The following SIAH3 variants were observed in gnomAD, a reference collection of about 807,000 sequenced individuals.
The protein encoded by SIAH3 is siah E3 ubiquitin protein ligase family member 3, also known as seven in absentia homolog 3.
SIAH3 carries 9 observed loss-of-function variants against 12.6 expected under a neutral mutation model. The ratio of observed to expected loss-of-function variants is 0.72; its 90% CI spans 0.43 to 1.25. The LOEUF is 1.25. Ranked by LOEUF, SIAH3 falls within the 50% of genes most tolerant of loss-of-function variation. The probability of loss-of-function intolerance (pLI) is 0.00; values close to 1 mark genes in which losing one functional copy is unlikely to be tolerated. For missense variants in SIAH3, 390 were observed against 365.4 expected, an observed-to-expected ratio of 1.07 and a Z score of -0.55; for synonymous variants, 154 against 151.1, an observed-to-expected ratio of 1.02 and a Z score of -0.14.
At chr13:45,828,242 G>A (rs1222867969) in intron 1 of SIAH3, among the ~76,000 whole-genome samples, 1 of 152,168 alleles carries the variant, frequency 6.6e-6, no homozygotes, top group Admixed American at 6.5e-5. Flanking sequence ...TTCTCCTCTT[G>A]AGTATTTGAC....
chr13:45,815,450 C>T (rs1336969136), intron 1 of SIAH3, among the ~76,000 whole-genome samples: 1 of 152,172 alleles, frequency 6.6e-6, no homozygotes, highest in Non-Finnish European at 1.5e-5. Context: ...TCCAGTCTGC[C>T]TGCCTGCCTG....
chr13:45,801,304 T>C (rs1950581712), intron 1 of SIAH3, among the ~76,000 whole-genome samples: 1 of 152,140 alleles, frequency 6.6e-6, no homozygotes, highest in Non-Finnish European at 1.5e-5. Flanking sequence ...AGAGGAACTC[T>C]GGATAGTGAA....
chr13:45,850,919 C>CCACACA (rs34118981), intron 1 of SIAH3, among the ~76,000 whole-genome samples: 1,860 of 128,296 alleles, frequency 0.014, 36 homozygotes, highest in East Asian at 0.069. Flanking sequence ...CCTCCCGACA[C>CCACACA]CACACACACA....
At chr13:45,820,652 G>A (rs1029834341) in intron 1 of SIAH3, among the ~76,000 whole-genome samples, 5 of 152,014 alleles carry the variant, frequency 3.3e-5, no homozygotes, top group Non-Finnish European at 5.9e-5. Flanking sequence ...CCACCACCGC[G>A]GCCCTCCTTT....
intron 1 of SIAH3, among the ~76,000 whole-genome samples, chr13:45,800,144 T>TGCTAGAATGTTA (rs374088175): frequency 0.013 from 1,908 of 152,346 alleles, 30 homozygotes; most frequent in African/African-American, 0.044. Context: ...ATCCTGATAG[T>TGCTAGAATGTTA]ACCACTGTTA....
intron 1 of SIAH3, among the ~76,000 whole-genome samples, chr13:45,800,445 A>T (rs1203838240): frequency 6.6e-6 from 1 of 152,210 alleles, no homozygotes; most frequent in Non-Finnish European, 1.5e-5. Context: ...TTGTGGATGA[A>T]AAGAAAAATA....
intron 1 of SIAH3, among the ~76,000 whole-genome samples, chr13:45,784,742 C>G (rs2137547628): frequency 6.6e-6 from 1 of 152,308 alleles, no homozygotes; most frequent in African/African-American, 2.4e-5. Context: ...CCCAGAGCCT[C>G]ATCACCAGGC....
chr13:45,821,208 A>G (rs1293378728), intron 1 of SIAH3, among the ~76,000 whole-genome samples: 1 of 152,234 alleles, frequency 6.6e-6, no homozygotes, highest in African/African-American at 2.4e-5. Context: ...AGACATAGAC[A>G]CATAGAAAAG....
rs189478634 is a variant in SIAH3, at chr13:45,778,294, C to G, written c.*5089G>C. On this transcript the variant is annotated 3_prime_UTR_variant, in exon 2 of 2. Coordinates refer to ENST00000400405, the MANE Select transcript of SIAH3 (RefSeq NM_198849.3). ...GTAAGAAAGAGGTAGGGAGGGTGAC[C>G]TGTAAGAACAAGTAACAGGAAATTT... 1 of 152,174 alleles carries G rather than the reference C, an allele frequency of 6.6e-6. No homozygotes were observed. The allele number at this position is 152,174 out of a possible 1,614,324, so 9.4% of individuals were successfully genotyped here.
intron 1 of SIAH3, among the ~76,000 whole-genome samples, chr13:45,832,976 G>T (rs1253630087): frequency 6.6e-6 from 1 of 152,138 alleles, no homozygotes; most frequent in African/African-American, 2.4e-5. Flanking sequence ...GTGCCTTCTG[G>T]GTAGTTGAAA....
intron 1 of SIAH3, among the ~76,000 whole-genome samples, chr13:45,787,089 A>C (rs9567575): frequency 0.22 from 34,023 of 151,848 alleles, 4,918 homozygotes; most frequent in East Asian, 0.6. Context: ...ACCCAAGCAG[A>C]AACCTACCAG....
At chr13:45,842,018 T>C (rs1301120219) in intron 1 of SIAH3, among the ~76,000 whole-genome samples, 2 of 152,224 alleles carry the variant, frequency 1.3e-5, no homozygotes, top group African/African-American at 4.8e-5. Context: ...AGTGGGAACC[T>C]TGGGCAAGTC....
chr13:45,808,628 T>C (rs1399267548), intron 1 of SIAH3, among the ~76,000 whole-genome samples: 3 of 152,218 alleles, frequency 2.0e-5, no homozygotes, highest in African/African-American at 4.8e-5. Context: ...ATATTGTATA[T>C]TTTGTTATTA....
Position 45,851,611 on chromosome 13 carries a change from A to T in SIAH3, c.19T>A (p.Cys7Ser). 6.2e-7 allele frequency: 1 copy of T among 1,614,204 alleles called. No homozygotes were observed. Among genetic ancestry groups the T allele is most frequent in the Non-Finnish European group, 8.5e-7 (1 of 1,180,034 alleles). ...ATGAGATCTAATACAGCCCCAAAGC[A>T]CTGGGTAAAGAAAAGCATCACAACT... MLFFTQ[C>S]FGAVLDLIHL... is the part of the protein sequence containing the mutation. The change falls in exon 1 of 2, where the codon TGC (cysteine) becomes AGC (serine). Residue 7 changes from cysteine to serine, a missense_variant. Physicochemically the swap from Cys to Ser is moderately radical, Grantham distance 112. Coordinates refer to ENST00000400405, the MANE Select transcript of SIAH3 (RefSeq NM_198849.3).
At chr13:45,832,969 C>T (rs1950704917) in intron 1 of SIAH3, among the ~76,000 whole-genome samples, 1 of 152,142 alleles carries the variant, frequency 6.6e-6, no homozygotes, top group African/African-American at 2.4e-5. Context: ...GATGCATGTG[C>T]CTTCTGGGTA....
chr13:45,792,397 C>T (rs1401455251), intron 1 of SIAH3, among the ~76,000 whole-genome samples: 6 of 149,432 alleles, frequency 4.0e-5, no homozygotes, highest in African/African-American at 1.2e-4. Context: ...CACTCTTATC[C>T]CCCAGGCTGG....
chr13:45,827,260 A>C (rs1950682009), intron 1 of SIAH3, among the ~76,000 whole-genome samples: 2 of 152,174 alleles, frequency 1.3e-5, no homozygotes, highest in Non-Finnish European at 2.9e-5. Flanking sequence ...TTTGTCTTGA[A>C]TACAGTCAAG....
At position 45,803,282 on chromosome 13, in the gene SIAH3, G is replaced by A. The variant is rs771523825; in HGVS notation, c.136-19225C>T. Among the ~76,000 whole-genome samples the A allele has an allele frequency of 2.0e-4, 30 of 152,208 alleles. 1 individual carries two copies. The highest frequency in any genetic ancestry group is 5.9e-4 in the Admixed American group (9 of 15,298). ...TTTAGTTTTATTCATTCATTCATTC[G>A]TTCATCAAACTTTATCAGCCCTCTT... On this transcript the variant is annotated intron_variant, in intron 1 of 1. Coordinates refer to ENST00000400405, the MANE Select transcript of SIAH3 (RefSeq NM_198849.3).
At chr13:45,850,429 G>C (rs890897832) in intron 1 of SIAH3, among the ~76,000 whole-genome samples, 5 of 152,160 alleles carry the variant, frequency 3.3e-5, no homozygotes, top group African/African-American at 1.2e-4. Context: ...AGGCACTGTC[G>C]CTACAGACAC....
Sources: allele counts gnomAD v4.1 joint callset (sites outside exome capture counted in the v4.1 genomes callset), GRCh38; gene constraint gnomAD v4.1.1; transcripts MANE v1.5; gene names NCBI Gene and HGNC (gene_info 2026-07-23, HGNC 2026-07-21).